Variants in UGT2B10 observed in about 807,000 individuals in gnomAD.
The protein encoded by UGT2B10 is UDP-glucuronosyltransferase 2B10.
A neutral mutation model predicts 43.7 loss-of-function variants in UGT2B10; 51 were observed. That is an observed-to-expected ratio of 1.17 (90% confidence interval 0.93 to 1.47). The LOEUF (loss-of-function observed/expected upper bound fraction) is 1.47, where lower values mean the gene tolerates loss of function less well. Ranked by LOEUF, UGT2B10 falls within the 40% of genes most tolerant of loss-of-function variation. UGT2B10 has a pLI of 0.00. For missense variants in UGT2B10, 696 were observed against 617.7 expected, an observed-to-expected ratio of 1.13 and a Z score of -1.34; for synonymous variants, 225 against 209.0, an observed-to-expected ratio of 1.08 and a Z score of -0.66.
At chr4:68,828,992 G>C (rs151018042) in intron 5 of UGT2B10, among the ~76,000 whole-genome samples, 57 of 152,026 alleles carry the variant, frequency 3.7e-4, no homozygotes, top group Non-Finnish European at 5.7e-4. Flanking sequence ...TGCATGCACT[G>C]TTATCTCAGC....
chr4:68,829,050 A>G (rs937155161), intron 5 of UGT2B10, among the ~76,000 whole-genome samples: 1 of 152,038 alleles, frequency 6.6e-6, no homozygotes, highest in African/African-American at 2.4e-5. Context: ...AAATATATAA[A>G]TCTAATGGTA....
chr4:68,818,072 A>G lies in UGT2B10; in HGVS notation c.762A>G (p.Ile254Met), dbSNP rs755301107. The change falls in exon 2 of 6, where the codon ATA (isoleucine) becomes ATG (methionine). Residue 254 changes from isoleucine (I) to methionine (M), a missense_variant. Transcript: ENST00000265403. The part of the protein sequence containing the change: ...TLSETMRKAD[I>M]WLMRNSWNFK... ...CTGAGACAATGAGGAAAGCTGACATATGGCTTATGCGAAACTCCTGGAATT... is the reference window on the plus strand; with the variant it reads ...CTGAGACAATGAGGAAAGCTGACATGTGGCTTATGCGAAACTCCTGGAATT... 2 of 1,611,572 alleles carry G rather than the reference A, an allele frequency of 1.2e-6. No individual in the cohort carries two copies. Among genetic ancestry groups the G allele is most frequent in the Admixed American group, 3.3e-5 (2 of 59,830 alleles).
intron 5 of UGT2B10, among the ~76,000 whole-genome samples, chr4:68,829,349 G>C (rs1419777215): frequency 6.6e-6 from 1 of 152,026 alleles, no homozygotes; most frequent in Admixed American, 6.6e-5. Flanking sequence ...GAAAAAGAGA[G>C]CTATTCTAGG....
Position 68,818,056 on chromosome 4 carries a change from T to C in UGT2B10, c.746T>C (p.Met249Thr). Residue 249 changes from methionine to threonine, a missense_variant, in exon 2 of 6, where the codon ATG becomes ACG. Met to Thr is a moderately conservative substitution (Grantham distance 81). Coordinates refer to ENST00000265403, the MANE Select transcript of UGT2B10 (RefSeq NM_001075.6). ...AGACCCACTACATTATCTGAGACAA[T>C]GAGGAAAGCTGACATATGGCTTATG... ...LGRPTTLSET[M>T]RKADIWLMRN... The C allele has an allele frequency of 6.2e-7, 1 of 1,610,986 alleles. No homozygotes were observed. Among genetic ancestry groups the C allele is most frequent in the South Asian group, 1.1e-5 (1 of 90,550 alleles).
chr4:68,827,295 A>G, intron 4 of UGT2B10, 34 bp from the exon 5 acceptor site: 1 of 1,611,840 alleles, frequency 6.2e-7, no homozygotes, highest in Non-Finnish European at 8.5e-7. Flanking sequence ...TTTTATTCCT[A>G]TGAATAATTT....
At chr4:68,830,082 C>T (rs1738012236) in intron 5 of UGT2B10, among the ~76,000 whole-genome samples, 1 of 151,980 alleles carries the variant, frequency 6.6e-6, no homozygotes, top group Admixed American at 6.6e-5. Flanking sequence ...TCTCAGATTG[C>T]ATTTTCACAT....
In UGT2B10 at chr4:68,830,609, G is replaced by T. The variant is rs1738037484; in HGVS notation, c.1317G>T (p.Glu439Asp). 6.2e-7 allele frequency: 1 copy of T among 1,611,920 alleles called. No homozygotes were observed. The highest frequency in any genetic ancestry group is 8.5e-7 in the Non-Finnish European group (1 of 1,179,020). Reference protein sequence around the residue: ...KTVINDPSYKENIMKLSRIQH... With the variant: ...KTVINDPSYKDNIMKLSRIQH... The stretch of plus-strand genomic sequence containing the variant: ...TATTTTTATCCTTCAGATATAAAGA[G>T]AATATTATGAAATTATCAAGAATTC... The change falls in exon 6 of 6, where the codon GAG becomes GAT. Residue 439 changes from glutamate (E) to aspartate (D), a missense_variant. Coordinates refer to ENST00000265403, the MANE Select transcript of UGT2B10 (RefSeq NM_001075.6).
chr4:68,829,828 C>T (rs1169388581), intron 5 of UGT2B10, among the ~76,000 whole-genome samples: 1 of 152,034 alleles, frequency 6.6e-6, no homozygotes, highest in Non-Finnish European at 1.5e-5. Context: ...TTGCCAGTGT[C>T]TAACAATGTA....
chr4:68,826,839 T>C (rs1314146806), intron 4 of UGT2B10, among the ~76,000 whole-genome samples: 1 of 152,110 alleles, frequency 6.6e-6, no homozygotes, highest in Non-Finnish European at 1.5e-5. Context: ...CAAATGCCAC[T>C]AAATATAATA....
Position 68,816,336 on chromosome 4 carries a change from T to A in UGT2B10, c.317T>A (p.Leu106Ter). 6.2e-7 allele frequency: 1 copy of A among 1,613,158 alleles called. No individual in the cohort carries two copies. Among genetic ancestry groups the A allele is most frequent in the Non-Finnish European group, 8.5e-7 (1 of 1,179,422 alleles). The change falls in exon 1 of 6, where the codon TTA becomes TAA. Residue 106 changes from leucine (L) to a stop codon, truncating the protein, a stop_gained. Transcript: ENST00000265403. LOFTEE classifies it high-confidence loss of function. ...GAAATTCAAAAAGATACATTTTGGT[T>A]ACCTTTTTCACAAGAACAAGAAATC... ...LSEIQKDTFW[L>*]PFSQEQEILW...
At chr4:68,829,031 G>A (rs1398391932) in intron 5 of UGT2B10, among the ~76,000 whole-genome samples, 1 of 151,914 alleles carries the variant, frequency 6.6e-6, no homozygotes, top group African/African-American at 2.4e-5. Context: ...ATACCCAACA[G>A]ATATGTATAA....
chr4:68,824,471 A>G (rs1578269807), intron 3 of UGT2B10, among the ~76,000 whole-genome samples: 1 of 152,286 alleles, frequency 6.6e-6, no homozygotes, highest in East Asian at 1.9e-4. Context: ...GAAGCCAGGC[A>G]GGGGAACAGG....
At chr4:68,817,185 C>T (rs1450171921) in intron 1 of UGT2B10, among the ~76,000 whole-genome samples, 1 of 151,664 alleles carries the variant, frequency 6.6e-6, no homozygotes, top group East Asian at 1.9e-4. Flanking sequence ...AAAAGATGTT[C>T]CCATGTTACC....
chr4:68,827,637 G>T lies in UGT2B10; in HGVS notation c.1307+89G>T, dbSNP rs1443992096. On this transcript the variant is annotated intron_variant, in intron 5 of 5. Coordinates refer to ENST00000265403, the MANE Select transcript of UGT2B10 (RefSeq NM_001075.6). ...CATGAGTTTCATCCTTTTTATAAGA[G>T]AGTGATTTTGAAAGAATTTAAATGA... 5.8e-6 allele frequency: 9 copies of T among 1,540,944 alleles called. No individual in the cohort carries two copies. The African/African-American group carries it at 1.2e-4, about 21-fold the overall frequency.
Position 68,829,317 on chromosome 4 carries a change from A to C in UGT2B10, c.1308-1283A>C, listed in dbSNP as rs1226834803. On this transcript the variant is annotated intron_variant, in intron 5 of 5. Transcript: ENST00000265403. ...CCGGTTATTCTTTAGTTGGTGGACA[A>C]AAGTGGTGACAAAATGGTTCAGAAA... Among the ~76,000 whole-genome samples the C allele has an allele frequency of 2.6e-5, 4 of 152,160 alleles. No individual in the cohort carries two copies. In the East Asian group the frequency reaches 7.7e-4, roughly 29 times the overall value.
Position 68,821,997 on chromosome 4 carries a change from A to G in UGT2B10, c.868-274A>G, listed in dbSNP as rs1368034911. ...TTTTAACATTATCTCCCTGACTACA[A>G]TGTAATAGCTCCTTTTCTTTTCTCC... On this transcript the variant is annotated intron_variant, in intron 2 of 5. Coordinates refer to ENST00000265403, the MANE Select transcript of UGT2B10 (RefSeq NM_001075.6). Among the ~76,000 whole-genome samples the G allele has an allele frequency of 5.9e-5, 9 of 152,188 alleles. No homozygotes were observed. In the East Asian group the frequency reaches 7.7e-4, roughly 13 times the overall value.
chr4:68,826,481 C>A lies in UGT2B10; in HGVS notation c.1071C>A (p.Pro357=), dbSNP rs202031177. ...ATACTCGACTGTACAAGTGGATACC[C>A]CAGAATGACCTTCTAGGTAACACTC... is the stretch of plus-strand genomic sequence containing the variant. The part of the protein sequence containing the change: ...GLNTRLYKWI[P]QNDLLGHPKT... Residue 357 remains proline (P), a synonymous_variant, in exon 4 of 6, where the codon CCC becomes CCA. Coordinates refer to ENST00000265403, the MANE Select transcript of UGT2B10 (RefSeq NM_001075.6). 1.0e-3 allele frequency: 1,647 copies of A among 1,612,100 alleles called. 33 individuals are homozygous for A. In the South Asian group the frequency reaches 0.017, roughly 17 times the overall value.
rs116759318 is a variant in UGT2B10 at position 68,820,986 on chromosome 4, A to G, written c.868-1285A>G. On this transcript the variant is annotated intron_variant, in intron 2 of 5. Transcript: ENST00000265403. Reference sequence around the variant, plus strand: ...GCTCTGGCATCAAGCCAGTAAGATGAAACACTGAACACGAGTTACATTAAA... The same window carrying G: ...GCTCTGGCATCAAGCCAGTAAGATGGAACACTGAACACGAGTTACATTAAA... 6.1e-3 allele frequency among the ~76,000 whole-genome samples: 923 copies of G among 152,264 alleles called. 2 individuals carry two copies. The highest frequency in any genetic ancestry group is 9.6e-3 in the Admixed American group (146 of 15,258).
intron 3 of UGT2B10, among the ~76,000 whole-genome samples, chr4:68,824,533 G>A (rs1424104614): frequency 6.6e-6 from 1 of 152,156 alleles, no homozygotes; most frequent in African/African-American, 2.4e-5. Context: ...CTTCTATATA[G>A]AATAAACCAG....
Sources: gnomAD v4.1 joint callset for allele counts (sites outside exome capture counted in the v4.1 genomes callset) on GRCh38, gnomAD v4.1.1 for gene constraint, MANE v1.5 for transcripts, NCBI Gene and HGNC (gene_info 2026-07-23, HGNC 2026-07-21) for gene names.